The following SS18 variants were observed in gnomAD, a reference collection of about 807,000 sequenced individuals.
SS18 encodes protein SSXT.
In SS18, 28 loss-of-function variants were observed where a neutral mutation model predicts 72.5. That is an observed-to-expected ratio of 0.39 (90% CI 0.29 to 0.53). The LOEUF (loss-of-function observed/expected upper bound fraction) is 0.53. Among genes scored for constraint, SS18 ranks in the 20% least tolerant of loss-of-function variants. The pLI, the probability that SS18 is intolerant of heterozygous loss-of-function variation, is 0.76. For missense variants in SS18, 518 were observed against 535.3 expected (o/e 0.97, Z 0.32); for synonymous variants, 172 against 164.2 (o/e 1.05, Z -0.37).
At chr18:26,053,367 T>C (rs1024641032) in intron 4 of SS18, among the ~76,000 whole-genome samples, 2 of 151,720 alleles carry the variant, frequency 1.3e-5, no homozygotes, top group Non-Finnish European at 2.9e-5. Flanking sequence ...ACTTAAACAT[T>C]TAAAAAGAAG....
chr18:26,023,664 A>C, intron 10 of SS18: 1 of 525,794 alleles, frequency 1.9e-6, no homozygotes, highest in Non-Finnish European at 3.7e-6. Context: ...TTCAAAAATA[A>C]AGGCAAAATA....
Position 26,035,667 on chromosome 18 carries a change from G to T in SS18, c.973+164C>A. The stretch of plus-strand genomic sequence containing the variant: ...TCATGGTTATACATTTTAAATATTT[G>T]TAAGGAAATTATTTTGATTGTTTTG... On this transcript the variant is annotated intron_variant, in intron 8 of 10. Transcript: ENST00000415083. This position sits in a 1 kb window ranked among gnomAD's most constrained non-coding sequence, Gnocchi z 4.4. The T allele has an allele frequency of 2.4e-6, 1 of 420,730 alleles. No homozygotes were observed. Among genetic ancestry groups the T allele is most frequent in the East Asian group, 3.5e-5 (1 of 28,744 alleles). The allele number at this position is 420,730 out of a possible 1,614,324, so 26.1% of individuals were successfully genotyped here.
chr18:26,034,166 A>G (rs1179652975), intron 9 of SS18, among the ~76,000 whole-genome samples: 1 of 152,180 alleles, frequency 6.6e-6, no homozygotes, highest in Non-Finnish European at 1.5e-5. Flanking sequence ...CTGAGTTCTA[A>G]GATTTGCTAT....
At position 26,065,956 on chromosome 18, in the gene SS18, C is replaced by T. The variant is rs914603013; in HGVS notation, c.232-8214G>A. Among the ~76,000 whole-genome samples the T allele has an allele frequency of 3.3e-5, 5 of 151,388 alleles. No individual in the cohort carries two copies. The East Asian group carries it at 5.8e-4, about 18-fold the overall frequency. On this transcript the variant is annotated intron_variant, in intron 3 of 10. Coordinates refer to ENST00000415083, the MANE Select transcript of SS18 (RefSeq NM_001007559.3). ...GTTATCTTGATTATAGTGGTGATTACGTGGATTTGTCAAAACTAATCTATC... is the reference window on the plus strand; with the variant it reads ...GTTATCTTGATTATAGTGGTGATTATGTGGATTTGTCAAAACTAATCTATC...
chr18:26,021,914 G>A (rs963514018), intron 10 of SS18, among the ~76,000 whole-genome samples: 4 of 152,158 alleles, frequency 2.6e-5, no homozygotes, highest in Admixed American at 2.6e-4. Context: ...CTAATTTCCA[G>A]AAGAGAGATT....
chr18:26,034,642 T>A (rs541321221), intron 9 of SS18, among the ~76,000 whole-genome samples: 1 of 152,246 alleles, frequency 6.6e-6, no homozygotes, highest in East Asian at 1.9e-4. Context: ...CCACTAGTTT[T>A]TCAAAATAAA....
At chr18:26,054,716 T>C (rs779580147) in intron 4 of SS18, among the ~76,000 whole-genome samples, 16 of 151,922 alleles carry the variant, frequency 1.1e-4, no homozygotes, top group Non-Finnish European at 1.8e-4. Flanking sequence ...ACACATGCAT[T>C]ATTTTATATA....
At chr18:26,081,560 T>C (rs907764892) in intron 2 of SS18, among the ~76,000 whole-genome samples, 5 of 152,168 alleles carry the variant, frequency 3.3e-5, no homozygotes, top group African/African-American at 1.2e-4. Flanking sequence ...TAAATACTCA[T>C]ATTATTTTAT....
At position 26,017,941 on chromosome 18, in the gene SS18, ATAT is replaced by A. The variant is rs2053277290; in HGVS notation, c.*410_*412del. The A allele has an allele frequency of 4.1e-6, 1 of 242,234 alleles. No individual in the cohort carries two copies. Among genetic ancestry groups the A allele is most frequent in the Admixed American group, 5.4e-5 (1 of 18,652 alleles). The allele number at this position is 242,234 out of a possible 1,614,324, so 15.0% of individuals were successfully genotyped here. ...ACATGAAATAAACATAATATACAAA[ATAT>A]TGCTGCTGTAAAAAGTGTACATTTC... is the stretch of plus-strand genomic sequence containing the variant. On this transcript the variant is annotated 3_prime_UTR_variant, in exon 11 of 11. Coordinates refer to ENST00000415083, the MANE Select transcript of SS18 (RefSeq NM_001007559.3).
Position 26,062,193 on chromosome 18 carries a change from G to A in SS18, c.232-4451C>T, listed in dbSNP as rs140393693. Reference sequence around the variant, plus strand: ...GGAGAGTTGCTTGAGCACAGGAAACGGAGGTTGCAGTGAGCTAAGATCACA... The same window carrying A: ...GGAGAGTTGCTTGAGCACAGGAAACAGAGGTTGCAGTGAGCTAAGATCACA... On this transcript the variant is annotated intron_variant, in intron 3 of 10. Transcript: ENST00000415083. Among the ~76,000 whole-genome samples the A allele has an allele frequency of 9.7e-3, 1,477 of 152,188 alleles. 9 individuals are homozygous for A. Among genetic ancestry groups the A allele is most frequent in the Non-Finnish European group, 0.016 (1,072 of 68,004 alleles).
upstream of SS18, chr18:26,090,853 A>C: frequency 2.1e-6 from 1 of 482,726 alleles, no homozygotes; most frequent in East Asian, 3.9e-5. Context: ...CTTTGCGCTA[A>C]TGGTAGAGTC....
chr18:26,070,352 A>G (rs1436328103), intron 3 of SS18, among the ~76,000 whole-genome samples: 11 of 152,114 alleles, frequency 7.2e-5, no homozygotes, highest in African/African-American at 2.4e-4. Flanking sequence ...TTTTATGTCT[A>G]TTTCTATGCC....
At chr18:26,048,442 G>A (rs539394232) in intron 5 of SS18, among the ~76,000 whole-genome samples, 9 of 152,024 alleles carry the variant, frequency 5.9e-5, no homozygotes, top group African/African-American at 1.9e-4. Flanking sequence ...TACGAATAGC[G>A]GAGGTAAAGG....
At chr18:26,090,456 C>T (rs1203810248) in intron 1 of SS18, 45 bp downstream of exon 1, 1 of 1,542,942 alleles carries the variant, frequency 6.5e-7, no homozygotes, top group African/African-American at 1.4e-5. Flanking sequence ...CTGTCTCTCC[C>T]AGAGGCGGTA....
chr18:26,035,748 T>C lies in SS18; in HGVS notation c.973+83A>G. On this transcript the variant is annotated intron_variant, in intron 8 of 10. Coordinates refer to ENST00000415083, the MANE Select transcript of SS18 (RefSeq NM_001007559.3). The surrounding 1 kb of genome is among the most constrained non-coding windows in gnomAD (Gnocchi z 4.4). ...ACTAGTATTCTACAAGAGCTTTGCA[T>C]GGGTAGAAGTTGTCTTATGCAAGAA... The C allele has an allele frequency of 2.3e-6, 2 of 869,916 alleles. No homozygotes were observed. The highest frequency in any genetic ancestry group is 3.4e-6 in the Non-Finnish European group (2 of 582,760). 53.9% of individuals were successfully genotyped at this position (869,916 alleles called of 1,614,324 possible).
At chr18:26,018,471 AC>A in intron 10 of SS18, 91 bp from the exon 11 acceptor site, 1 of 1,058,342 alleles carries the variant, frequency 9.4e-7, no homozygotes, top group Non-Finnish European at 1.4e-6. Context: ...ACACTGTCAT[AC>A]CACAAAAAAG....
intron 10 of SS18, among the ~76,000 whole-genome samples, chr18:26,019,860 C>A (rs1289063935): frequency 7.0e-6 from 1 of 142,316 alleles, no homozygotes; most frequent in Non-Finnish European, 1.5e-5. Context: ...TAGTTATATT[C>A]AGCTAAATTT....
chr18:26,045,647 A>G (rs557777706), intron 5 of SS18, among the ~76,000 whole-genome samples: 1 of 152,264 alleles, frequency 6.6e-6, no homozygotes, highest in South Asian at 2.1e-4. Context: ...ACTTACTAGC[A>G]TTTCCCAAAG....
At chr18:26,085,777 A>T (rs1407131898) in intron 2 of SS18, 3 of 152,226 alleles carry the variant, frequency 2.0e-5, no homozygotes, top group Non-Finnish European at 4.4e-5. Context: ...TTTTACATTT[A>T]AAAATACTTT....
Sources: gnomAD v4.1 joint callset for allele counts (sites outside exome capture counted in the v4.1 genomes callset) on GRCh38, gnomAD v4.1.1 for gene constraint, Gnocchi (gnomAD v3.1) non-coding constraint, MANE v1.5 for transcripts, NCBI Gene and HGNC (gene_info 2026-07-23, HGNC 2026-07-21) for gene names.